The following ZNF570 variants were observed in gnomAD, a reference collection of about 807,000 sequenced individuals.
The protein encoded by ZNF570 is zinc finger protein 570.
Under a neutral mutation model 14.2 loss-of-function variants are expected in ZNF570, and 8 were observed. That is an observed-to-expected ratio of 0.56 (90% CI 0.33 to 1.02). The LOEUF is 1.02. Ranked by LOEUF, ZNF570 falls within the 50% of genes least tolerant of loss-of-function variation. The pLI is 0.03. For synonymous variants in ZNF570, 202 were observed against 207.6 expected (o/e 0.97, Z 0.23); for missense variants, 559 against 624.9 (o/e 0.89, Z 1.12).
intron 4 of ZNF570, among the ~76,000 whole-genome samples, chr19:37,481,829 A>G (rs1326819242): frequency 1.3e-5 from 2 of 152,166 alleles, no homozygotes; most frequent in African/African-American, 4.8e-5. Flanking sequence ...CACCTTACTT[A>G]CTTGAAAGTG....
At chr19:37,468,972 C>T (rs1432112283), upstream of ZNF570, 29 of 858,556 alleles carry the variant, frequency 3.4e-5, no homozygotes, top group Non-Finnish European at 4.1e-5. Flanking sequence ...CGCGTTCCCA[C>T]GCACAAACCT....
intron 4 of ZNF570, among the ~76,000 whole-genome samples, chr19:37,477,389 G>T (rs2042039904): frequency 1.3e-5 from 2 of 149,726 alleles, no homozygotes; most frequent in Admixed American, 1.3e-4. Context: ...GCCCAGGCTG[G>T]AGTACAGTGG....
rs1046308273 is a variant in ZNF570, at chr19:37,487,875, C to T, written c.*2642C>T. 6.6e-6 allele frequency: 1 copy of T among 152,080 alleles called. No homozygotes were observed. Among genetic ancestry groups the T allele is most frequent in the Non-Finnish European group, 1.5e-5 (1 of 68,020 alleles). The allele number at this position is 152,080 out of a possible 1,614,324, so 9.4% of individuals were successfully genotyped here. On this transcript the variant is annotated 3_prime_UTR_variant, in exon 5 of 5. Coordinates refer to ENST00000330173, the MANE Select transcript of ZNF570 (RefSeq NM_144694.5). ...AGAAAGATTGGATTTGGGGGTATTACTAGTAGTAAGGGGATTCACTAGTAG... is the reference window on the plus strand; with the variant it reads ...AGAAAGATTGGATTTGGGGGTATTATTAGTAGTAAGGGGATTCACTAGTAG...
intron 4 of ZNF570, among the ~76,000 whole-genome samples, chr19:37,477,270 C>T (rs960976984): frequency 2.1e-5 from 3 of 145,682 alleles, no homozygotes; most frequent in Non-Finnish European, 4.5e-5. Context: ...CTAAGGTGCT[C>T]ATTGTGGGGG....
At chr19:37,468,068 C>A, upstream of ZNF570, 3 of 655,250 alleles carry the variant, frequency 4.6e-6, no homozygotes, top group Non-Finnish European at 7.3e-6. Context: ...CTATGCCTTT[C>A]GTGTTTTTTT....
Position 37,487,384 on chromosome 19 carries a change from A to G in ZNF570, c.*2151A>G, listed in dbSNP as rs2042167473. 2 of 152,194 alleles carry G rather than the reference A, an allele frequency of 1.3e-5. No homozygotes were observed. Among genetic ancestry groups the G allele is most frequent in the South Asian group, 4.1e-4 (2 of 4,824 alleles). 9.4% of individuals were successfully genotyped at this position (152,194 alleles called of 1,614,324 possible). A position where few individuals can be genotyped will look rare whatever the true frequency, so the allele number is the denominator to read the frequency against. The stretch of plus-strand genomic sequence containing the variant: ...GATTAAGGGAAGAAAACAGATAGAT[A>G]CACAAATAATATAGGCATTCATTCT... On this transcript the variant is annotated 3_prime_UTR_variant, in exon 5 of 5. Transcript: ENST00000330173.
At position 37,469,490 on chromosome 19, in the gene ZNF570, T is replaced by G; in HGVS notation, c.-119T>G. 6.5e-7 allele frequency: 1 copy of G among 1,536,468 alleles called. No homozygotes were observed. Among genetic ancestry groups the G allele is most frequent in the African/African-American group, 1.4e-5 (1 of 73,180 alleles). ...TCTGTTCTGCAGGTCGGGAGTGGGCTGAGGAGTGGCGTGTGGGTCTCCGGA... is the reference window on the plus strand; with the variant it reads ...TCTGTTCTGCAGGTCGGGAGTGGGCGGAGGAGTGGCGTGTGGGTCTCCGGA... On this transcript the variant is annotated 5_prime_UTR_variant, in exon 1 of 5. Transcript: ENST00000330173.
At chr19:37,469,935 C>G (rs898768342) in intron 1 of ZNF570, among the ~76,000 whole-genome samples, 1 of 152,116 alleles carries the variant, frequency 6.6e-6, no homozygotes, top group African/African-American at 2.4e-5. Context: ...TAAAGCCAGC[C>G]CAAGTCATAT....
At chr19:37,483,330 C>T (rs1422099019) in intron 4 of ZNF570, among the ~76,000 whole-genome samples, 1 of 152,108 alleles carries the variant, frequency 6.6e-6, no homozygotes, top group Non-Finnish European at 1.5e-5. Context: ...TTAATGATTC[C>T]TAGCTCTAAT....
At chr19:37,469,805 G>A (rs962907696) in intron 1 of ZNF570, 1 of 571,006 alleles carries the variant, frequency 1.8e-6, no homozygotes, top group Non-Finnish European at 3.1e-6. Flanking sequence ...CCCGTGTGAG[G>A]CAGTCCATAC....
At chr19:37,468,309 G>C (rs11668662), upstream of ZNF570, among the ~76,000 whole-genome samples, 2 of 152,080 alleles carry the variant, frequency 1.3e-5, no homozygotes, top group African/African-American at 4.8e-5. Context: ...GGCTGCTCTC[G>C]AACTCCTGAG....
chr19:37,469,341 G>A (rs1445901457), upstream of ZNF570: 9 of 1,415,804 alleles, frequency 6.4e-6, no homozygotes, highest in South Asian at 7.7e-5. Flanking sequence ...CTCCGGGGGC[G>A]GAGGCAGCTG....
In ZNF570 at chr19:37,483,915, CA is replaced by C. The variant is rs1413959095; in HGVS notation, c.296del (p.Lys99SerfsTer13). The C allele has an allele frequency of 1.2e-6, 2 of 1,612,750 alleles. No homozygotes were observed. On this transcript the variant is annotated frameshift_variant, in exon 5 of 5. Coordinates refer to ENST00000330173, the MANE Select transcript of ZNF570 (RefSeq NM_144694.5). LOFTEE classifies it low-confidence loss of function (END_TRUNC). ...ATATGTGAGACTGAAGAATTAACCC[CA>C]AAGCAGGATTTTTATGAAGAACATC... ...EPICETEELT[P>X]KQDFYEEHQS...
At position 37,487,941 on chromosome 19, in the gene ZNF570, AATC is replaced by A. The variant is rs979706115; in HGVS notation, c.*2713_*2715del. On this transcript the variant is annotated 3_prime_UTR_variant, in exon 5 of 5. Coordinates refer to ENST00000330173, the MANE Select transcript of ZNF570 (RefSeq NM_144694.5). ...ATAAAATCACATTGAACTAGTTCAA[AATC>A]ATCACATTGGCAAAAGCATTAGAGT... The A allele has an allele frequency of 6.6e-6, 1 of 152,244 alleles. No homozygotes were observed. The highest frequency in any genetic ancestry group is 2.4e-5 in the African/African-American group (1 of 41,476). 9.4% of individuals were successfully genotyped at this position (152,244 alleles called of 1,614,324 possible).
chr19:37,482,085 C>T (rs997231147), intron 4 of ZNF570, among the ~76,000 whole-genome samples: 8 of 152,146 alleles, frequency 5.3e-5, no homozygotes, highest in African/African-American at 1.7e-4. Context: ...CAAGTTATAT[C>T]TGTATTATAG....
At chr19:37,472,831 G>A (rs1186668658) in intron 2 of ZNF570, among the ~76,000 whole-genome samples, 1 of 151,914 alleles carries the variant, frequency 6.6e-6, no homozygotes, top group Non-Finnish European at 1.5e-5. Flanking sequence ...ATGGATATAT[G>A]TTGGCAGGCT....
In ZNF570 at chr19:37,487,266, A is replaced by G. The variant is rs1004193952; in HGVS notation, c.*2033A>G. On this transcript the variant is annotated 3_prime_UTR_variant, in exon 5 of 5. Coordinates refer to ENST00000330173, the MANE Select transcript of ZNF570 (RefSeq NM_144694.5). ...GCTAATTGTATGGTTAAATTCGGGT[A>G]ATTTAGAAGGCATGTAAAGTGTTCC... 6.6e-6 allele frequency: 1 copy of G among 151,676 alleles called. No individual in the cohort carries two copies. Among genetic ancestry groups the G allele is most frequent in the Non-Finnish European group, 1.5e-5 (1 of 67,928 alleles). 9.4% of individuals were successfully genotyped at this position (151,676 alleles called of 1,614,324 possible).
At position 37,484,635 on chromosome 19, in the gene ZNF570, C is replaced by G. The variant is rs1459527611; in HGVS notation, c.1013C>G (p.Ala338Gly). The G allele has an allele frequency of 6.2e-7, 1 of 1,613,830 alleles. No individual in the cohort carries two copies. ...TATGAATGTATCGAATGTGGGAAAG[C>G]ATTTAGCAACAGATCATCCATTGCT... ...KPYECIECGK[A>G]FSNRSSIAQH... The change falls in exon 5 of 5, where the codon GCA (alanine) becomes GGA (glycine). Residue 338 changes from alanine (A) to glycine (G), a missense_variant. Coordinates refer to ENST00000330173, the MANE Select transcript of ZNF570 (RefSeq NM_144694.5).
In ZNF570 at chr19:37,483,895, T is replaced by C. The variant is rs752232824; in HGVS notation, c.273T>C (p.Cys91=). 26 of 1,609,940 alleles carry C rather than the reference T, an allele frequency of 1.6e-5. No homozygotes were observed. The highest frequency in any genetic ancestry group is 2.2e-5 in the Non-Finnish European group (26 of 1,178,458). Residue 91 remains cysteine (C), a synonymous_variant, in exon 5 of 5, where the codon TGT becomes TGC. Coordinates refer to ENST00000330173, the MANE Select transcript of ZNF570 (RefSeq NM_144694.5). ...ACTTTTCAGGCTGGGAGCCTATATG[T>C]GAGACTGAAGAATTAACCCCAAAGC... The part of the protein sequence containing the change: ...KGLCSGWEPI[C]ETEELTPKQD...
Sources: gnomAD v4.1 joint callset for allele counts (sites outside exome capture counted in the v4.1 genomes callset) on GRCh38, gnomAD v4.1.1 for gene constraint, MANE v1.5 for transcripts, NCBI Gene and HGNC (gene_info 2026-07-23, HGNC 2026-07-21) for gene names.